ZNF320: variants seen among roughly 807,000 people sequenced by gnomAD.
ZNF320 encodes zinc finger protein 320, also known as zinc finger gene 320.
Under a neutral mutation model 6.8 loss-of-function variants are expected in ZNF320, and 2 were observed. That is an observed-to-expected ratio of 0.29 (90% CI 0.12 to 0.93). The LOEUF (loss-of-function observed/expected upper bound fraction) is 0.93. Among genes scored for constraint, ZNF320 ranks in the 40% least tolerant of loss-of-function variants. The probability of loss-of-function intolerance (pLI) is 0.55; values close to 1 mark genes in which losing one functional copy is unlikely to be tolerated. For synonymous variants in ZNF320, 208 were observed against 203.2 expected, an observed-to-expected ratio of 1.02 and a Z score of -0.20; for missense variants, 472 against 611.0, an observed-to-expected ratio of 0.77 and a Z score of 2.40.
intron 5 of ZNF320, among the ~76,000 whole-genome samples, chr19:52,865,955 CATAT>C (rs1231313414): frequency 3.5e-5 from 4 of 115,806 alleles, no homozygotes; most frequent in Non-Finnish European, 6.7e-5. Flanking sequence ...ATATATTATA[CATAT>C]ATATTTATAT....
the ZNF320 span, among the ~76,000 whole-genome samples, chr19:52,903,995 TAAGTA>T: frequency 7.1e-6 from 1 of 140,362 alleles, no homozygotes; most frequent in Non-Finnish European, 1.6e-5. Context: ...CTAGTCTTAC[TAAGTA>T]AAGCCAAGTC....
chr19:52,896,113 A>G (rs557293525), intron 1 of ZNF320, among the ~76,000 whole-genome samples: 6 of 152,146 alleles, frequency 3.9e-5, no homozygotes, highest in African/African-American at 1.4e-4. Context: ...CTTTTTTCAG[A>G]CGGAGTCTCG....
chr19:52,889,294 G>A (rs1043500670), intron 4 of ZNF320, among the ~76,000 whole-genome samples: 2 of 151,956 alleles, frequency 1.3e-5, no homozygotes, highest in Admixed American at 6.6e-5. Context: ...ATCAGATCTA[G>A]GGAAACAGGA....
downstream of ZNF320, among the ~76,000 whole-genome samples, chr19:52,860,461 T>G (rs570100178): frequency 3.3e-5 from 5 of 151,610 alleles, no homozygotes; most frequent in Non-Finnish European, 5.9e-5. Flanking sequence ...TAGCCAGGCC[T>G]GGGGGCACAT....
At chr19:52,865,477 T>TATATATATAATAC (rs1568692755) in intron 5 of ZNF320, 1 of 43,986 alleles carries the variant, frequency 2.3e-5, no homozygotes, top group African/African-American at 8.2e-5. Flanking sequence ...ATATTACATA[T>TATATATATAATAC]ATATATAATA....
Position 52,867,189 on chromosome 19 carries a change from AATTT to A in ZNF320, c.224-3034_224-3031del, listed in dbSNP as rs771093334. ...GATTTAATTAATTAATTAATTAATT[AATTT>A]ATTTATTTATGTATTTATTTTTTGA... On this transcript the variant is annotated intron_variant, in intron 5 of 5. Coordinates refer to the ZNF320 transcript ENST00000673631. Among the ~76,000 whole-genome samples the A allele has an allele frequency of 9.5e-3, 1,419 of 149,326 alleles. 32 individuals carry two copies. Among genetic ancestry groups the A allele is most frequent in the African/African-American group, 0.033 (1,338 of 40,466 alleles).
At chr19:52,900,526 G>T (rs1418538380), upstream of ZNF320, among the ~76,000 whole-genome samples, 1 of 151,984 alleles carries the variant, frequency 6.6e-6, no homozygotes, top group Non-Finnish European at 1.5e-5. Context: ...GTAGAGACTG[G>T]GCCTCATGTT....
At chr19:52,873,782 T>C (rs1477099928), downstream of ZNF320, among the ~76,000 whole-genome samples, 2 of 152,106 alleles carry the variant, frequency 1.3e-5, no homozygotes, top group East Asian at 1.9e-4. Flanking sequence ...CCCAGGACCA[T>C]GCCCAGTGGA....
downstream of ZNF320, among the ~76,000 whole-genome samples, chr19:52,872,859 C>G (rs1212205193): frequency 1.3e-5 from 2 of 152,210 alleles, no homozygotes; most frequent in East Asian, 3.9e-4. Context: ...TGTAGCAGGA[C>G]TATAGGGTGA....
At chr19:52,898,023 T>C (rs1487210101), upstream of ZNF320, among the ~76,000 whole-genome samples, 5 of 152,232 alleles carry the variant, frequency 3.3e-5, no homozygotes, top group Non-Finnish European at 5.9e-5. Context: ...GAGGCGGTCA[T>C]TGGACCCAGG....
the ZNF320 span, among the ~76,000 whole-genome samples, chr19:52,903,878 C>CT: frequency 6.6e-6 from 1 of 152,194 alleles, no homozygotes; most frequent in African/African-American, 2.4e-5. Context: ...ACTAAAGTAT[C>CT]TAACAATTCA....
intron 5 of ZNF320, among the ~76,000 whole-genome samples, chr19:52,864,779 C>T (rs549149633): frequency 4.6e-5 from 7 of 151,730 alleles, no homozygotes; most frequent in Admixed American, 6.6e-5. Flanking sequence ...TTTGGGAGGC[C>T]GAGGCAGGCA....
At chr19:52,866,936 C>T (rs150669955) in intron 5 of ZNF320, among the ~76,000 whole-genome samples, 25 of 149,998 alleles carry the variant, frequency 1.7e-4, no homozygotes, top group African/African-American at 5.9e-4. Context: ...TATGATGTCA[C>T]GACTACAGTT....
chr19:52,886,554 A>G, intron 5 of ZNF320, among the ~76,000 whole-genome samples: 1 of 152,198 alleles, frequency 6.6e-6, no homozygotes, highest in East Asian at 1.9e-4. Flanking sequence ...ACTGAACGGA[A>G]TGGACACTAA....
At chr19:52,866,059 CATATATTT>C (rs1311467401) in intron 5 of ZNF320, among the ~76,000 whole-genome samples, 12 of 109,130 alleles carry the variant, frequency 1.1e-4, no homozygotes, top group East Asian at 5.0e-4. Context: ...TATGATTATA[CATATATTT>C]ATATATATGA....
At chr19:52,888,590 A>T (rs2064180989) in intron 4 of ZNF320, among the ~76,000 whole-genome samples, 1 of 102,786 alleles carries the variant, frequency 9.7e-6, no homozygotes, top group Non-Finnish European at 2.0e-5. Context: ...CGATTGCACC[A>T]AGGCATTCTA....
downstream of ZNF320, among the ~76,000 whole-genome samples, chr19:52,875,800 T>A (rs1274033531): frequency 4.6e-5 from 7 of 151,500 alleles, no homozygotes; most frequent in Admixed American, 2.0e-4. Context: ...AAAAAAAAAA[T>A]TCCAGGACAA....
intron 1 of ZNF320, chr19:52,895,057 G>A (rs2064430081): frequency 6.6e-6 from 1 of 152,218 alleles, no homozygotes; most frequent in Non-Finnish European, 1.5e-5. Flanking sequence ...TGAACCAGAG[G>A]AACTTGAGGG....
chr19:52,865,293 G>C (rs2063522630), intron 5 of ZNF320: 1 of 240,254 alleles, frequency 4.2e-6, no homozygotes, highest in Non-Finnish European at 8.0e-6. Context: ...CTGGACTCCA[G>C]ACTGGGTGAG....
Sources: gnomAD v4.1 joint callset for allele counts (sites outside exome capture counted in the v4.1 genomes callset) on GRCh38, gnomAD v4.1.1 for gene constraint, MANE v1.5 for transcripts, NCBI Gene and HGNC (gene_info 2026-07-23, HGNC 2026-07-21) for gene names.